PRPF40B: variants seen among roughly 807,000 people sequenced by gnomAD.
The protein encoded by PRPF40B is pre-mRNA processing factor 40B.
In PRPF40B, 56 loss-of-function variants were observed where a neutral mutation model predicts 124.5. That is an observed-to-expected ratio of 0.45 (90% CI 0.36 to 0.56). The LOEUF (loss-of-function observed/expected upper bound fraction) is 0.56. Ranked by LOEUF, PRPF40B falls within the 20% of genes least tolerant of loss-of-function variation. PRPF40B has a pLI of 0.00. For synonymous variants in PRPF40B, 443 were observed against 426.4 expected (o/e 1.04, Z -0.48); for missense variants, 1,053 against 1,169.5 (o/e 0.90, Z 1.45).
chr12:49,636,582 C>G, intron 15 of PRPF40B, 134 bp from the exon 16 acceptor site: 2 of 1,224,100 alleles, frequency 1.6e-6, no homozygotes, highest in Non-Finnish European at 2.3e-6. Flanking sequence ...ACAGAGCCCC[C>G]TCCAGGCCCT....
chr12:49,623,255 C>T (rs547336962), upstream of PRPF40B, among the ~76,000 whole-genome samples: 40 of 151,972 alleles, frequency 2.6e-4, no homozygotes, highest in African/African-American at 7.5e-4. Flanking sequence ...GCGCCGGCGA[C>T]TGCGAAGCCA....
At chr12:49,636,310 GA>G (rs1941797323) in intron 15 of PRPF40B, among the ~76,000 whole-genome samples, 2 of 152,192 alleles carry the variant, frequency 1.3e-5, no homozygotes, top group African/African-American at 4.8e-5. Flanking sequence ...AAGCATCATA[GA>G]ACTACAGGCC....
rs1189530225 is a variant in PRPF40B, at chr12:49,631,627, C to T, written c.228+83C>T. On this transcript the variant is annotated intron_variant, in intron 3 of 25. Coordinates refer to ENST00000548825, the MANE Select transcript of PRPF40B (RefSeq NM_001031698.3). This position sits in a 1 kb window ranked among gnomAD's most constrained non-coding sequence, Gnocchi z 4.3. ...GAGATAAGAGCGGGCATGTAGGCCT[C>T]AGAAACTGGGGAAGGAAGGGAGCTT... 1 of 1,475,122 alleles carries T rather than the reference C, an allele frequency of 6.8e-7. No homozygotes were observed. The highest frequency in any genetic ancestry group is 1.4e-5 in the African/African-American group (1 of 70,808). 91.4% of individuals were successfully genotyped at this position (1,475,122 alleles called of 1,614,324 possible).
chr12:49,636,583 T>C, intron 15 of PRPF40B, 133 bp from the exon 16 acceptor site: 7 of 1,232,370 alleles, frequency 5.7e-6, no homozygotes. Context: ...CAGAGCCCCC[T>C]CCAGGCCCTT....
In PRPF40B at chr12:49,635,862, G is replaced by A. The variant is rs768082682; in HGVS notation, c.1295G>A (p.Arg432Gln). The change falls in exon 15 of 26, where the codon CGG becomes CAG. Residue 432 changes from arginine to glutamine, a missense_variant. Arg to Gln is a conservative substitution (Grantham distance 43, BLOSUM62 1). Coordinates refer to ENST00000548825, the MANE Select transcript of PRPF40B (RefSeq NM_001031698.3). This position sits in a 1 kb window ranked among gnomAD's most constrained non-coding sequence, Gnocchi z 4.1. ...KKEKEQAKQL[R>Q]RRNIQALKSI... is the part of the protein sequence containing the mutation. Reference sequence around the variant, plus strand: ...CCCTAGGAACAGGCCAAGCAGCTCCGGCGCCGCAATATCCAGGCCCTAAAG... The same window carrying A: ...CCCTAGGAACAGGCCAAGCAGCTCCAGCGCCGCAATATCCAGGCCCTAAAG... The A allele has an allele frequency of 1.6e-5, 26 of 1,613,740 alleles. No homozygotes were observed. The highest frequency in any genetic ancestry group is 1.3e-4 in the East Asian group (6 of 44,880).
rs1203961766 is a variant in PRPF40B, at chr12:49,631,486, C to T, written c.170C>T (p.Pro57Leu). ...AGACCACCAGCTATCCCCCCCATGC[C>T]ACCTGGCATCCTGCCCCCAATGCTT... ...SQRPPAIPPMPPGILPPMLPP... is the reference protein window; with the variant it reads ...SQRPPAIPPMLPGILPPMLPP... Residue 57 changes from proline (P) to leucine (L), a missense_variant, in exon 3 of 26, where the codon CCA becomes CTA. Physicochemically the swap from Pro to Leu is moderately conservative, Grantham distance 98. Coordinates refer to ENST00000548825, the MANE Select transcript of PRPF40B (RefSeq NM_001031698.3). This position sits in a 1 kb window ranked among gnomAD's most constrained non-coding sequence, Gnocchi z 4.3. 3 of 1,538,820 alleles carry T rather than the reference C, an allele frequency of 1.9e-6. No individual in the cohort carries two copies. Among genetic ancestry groups the T allele is most frequent in the Non-Finnish European group, 2.6e-6 (3 of 1,148,426 alleles).
Position 49,642,937 on chromosome 12 carries a change from G to T in PRPF40B, c.2126G>T (p.Cys709Phe). ...TTCCTCTGCCTCTAGCAGACTGAAT[G>T]CCAGCACCTCCACACCAAAGGCCGA... is the stretch of plus-strand genomic sequence containing the variant. ...REFLQVLETE[C>F]QHLHTKGRKH... Residue 709 changes from cysteine to phenylalanine, a missense_variant, in exon 22 of 26, where the codon TGC becomes TTC. Physicochemically the swap from Cys to Phe is radical, Grantham distance 205. Coordinates refer to ENST00000548825, the MANE Select transcript of PRPF40B (RefSeq NM_001031698.3). This position sits in a 1 kb window ranked among gnomAD's most constrained non-coding sequence, Gnocchi z 5.8. 2 of 1,613,294 alleles carry T rather than the reference G, an allele frequency of 1.2e-6. No homozygotes were observed. Among genetic ancestry groups the T allele is most frequent in the Non-Finnish European group, 1.7e-6 (2 of 1,179,592 alleles).
Position 49,642,256 on chromosome 12 carries a change from C to T in PRPF40B, c.1906C>T (p.Arg636Trp), listed in dbSNP as rs373588661. 45 of 1,613,990 alleles carry T rather than the reference C, an allele frequency of 2.8e-5. No homozygotes were observed. The Middle Eastern group carries it at 4.9e-4, about 18-fold the overall frequency. The stretch of plus-strand genomic sequence containing the variant: ...TCAGCTGCTGGAGAAAGCAGAGGCA[C>T]GGGAGAGGGAGCGGGAGAAGGAGGA... ...FNSLLEKAEAREREREKEEAR... is the reference protein window; with the variant it reads ...FNSLLEKAEAWEREREKEEAR... The change falls in exon 20 of 26, where the codon CGG (arginine) becomes TGG (tryptophan). Residue 636 changes from arginine to tryptophan, a missense_variant. Arg to Trp is a moderately radical substitution (Grantham distance 101). This residue lies in a region of PRPF40B where 895 missense variants were observed against 1,052.2 expected (regional missense o/e 0.85). Coordinates refer to ENST00000548825, the MANE Select transcript of PRPF40B (RefSeq NM_001031698.3). The surrounding 1 kb of genome is among the most constrained non-coding windows in gnomAD (Gnocchi z 5.8).
intron 23 of PRPF40B, 88 bp downstream of exon 23, chr12:49,643,485 T>A (rs1592626120): frequency 6.8e-7 from 1 of 1,477,070 alleles, no homozygotes; most frequent in Non-Finnish European, 9.1e-7. Flanking sequence ...CCTTTGAGGG[T>A]AGACTGGATT....
In PRPF40B at chr12:49,631,420, C is replaced by A; in HGVS notation, c.104C>A (p.Pro35His). ...PPPFMPPPGI[P>H]PPFPPMGLPP... ...TTCCAGATGCCCCCTCCAGGGATCC[C>A]CCCACCCTTTCCTCCGATGGGGCTA... The change falls in exon 3 of 26, where the codon CCC (proline) becomes CAC (histidine). Residue 35 changes from proline (P) to histidine (H), a missense_variant. Transcript: ENST00000548825. This position sits in a 1 kb window ranked among gnomAD's most constrained non-coding sequence, Gnocchi z 4.3. The A allele has an allele frequency of 6.8e-7, 1 of 1,464,258 alleles. No individual in the cohort carries two copies. Among genetic ancestry groups the A allele is most frequent in the Non-Finnish European group, 9.1e-7 (1 of 1,103,368 alleles). The allele number at this position is 1,464,258 out of a possible 1,614,324, so 90.7% of individuals were successfully genotyped here.
intron 9 of PRPF40B, 65 bp from the exon 10 acceptor site, chr12:49,633,821 G>A: frequency 6.2e-7 from 1 of 1,607,882 alleles, no homozygotes; most frequent in Non-Finnish European, 8.5e-7. Context: ...AGAGAAACCA[G>A]CCAGCCCCTG....
In PRPF40B at chr12:49,631,960, C is replaced by A; in HGVS notation, c.294+35C>A. On this transcript the variant is annotated intron_variant, in intron 4 of 25. Coordinates refer to ENST00000548825, the MANE Select transcript of PRPF40B (RefSeq NM_001031698.3). The surrounding 1 kb of genome is among the most constrained non-coding windows in gnomAD (Gnocchi z 4.3). ...AGGGGCCAGCAGGTAGCAGGCTCTG[C>A]CCTGCAGTCCCGTGAGTCTGACTTG... 6.3e-7 allele frequency: 1 copy of A among 1,589,496 alleles called. No individual in the cohort carries two copies. The highest frequency in any genetic ancestry group is 8.6e-7 in the Non-Finnish European group (1 of 1,157,906).
At chr12:49,643,585 A>C (rs1257500515) in intron 23 of PRPF40B, 106 bp from the exon 24 acceptor site, 2 of 1,402,480 alleles carry the variant, frequency 1.4e-6, no homozygotes, top group Admixed American at 5.2e-5. Context: ...AGACTTCCTC[A>C]GAGCATGAGG....
At chr12:49,633,250 C>T in intron 7 of PRPF40B, 126 bp downstream of exon 7, 1 of 1,254,322 alleles carries the variant, frequency 8.0e-7, no homozygotes, top group South Asian at 1.4e-5. Context: ...GACCATTCCT[C>T]ACCCTCCCTG....
At chr12:49,627,847 G>A (rs1940863249) in intron 1 of PRPF40B, among the ~76,000 whole-genome samples, 1 of 152,188 alleles carries the variant, frequency 6.6e-6, no homozygotes, top group Non-Finnish European at 1.5e-5. Flanking sequence ...GAAATGGAGA[G>A]AAATGGATAG....
At position 49,642,521 on chromosome 12, in the gene PRPF40B, G is replaced by T; in HGVS notation, c.2023-59G>T. 6.3e-7 allele frequency: 1 copy of T among 1,592,572 alleles called. No homozygotes were observed. The highest frequency in any genetic ancestry group is 1.1e-5 in the South Asian group (1 of 90,268). ...CCCAGCCCTGCCCTGTGCTCATGGC[G>T]GTGTCCAGGCCAGGCTGAGTGGGGC... On this transcript the variant is annotated intron_variant, in intron 20 of 25. Transcript: ENST00000548825. This position sits in a 1 kb window ranked among gnomAD's most constrained non-coding sequence, Gnocchi z 5.8.
At chr12:49,634,165 C>T in intron 10 of PRPF40B, 73 bp downstream of exon 10, 1 of 1,579,142 alleles carries the variant, frequency 6.3e-7, no homozygotes, top group Admixed American at 1.8e-5. Flanking sequence ...TTGTCCTCTG[C>T]TGGGCCTCTC....
At position 49,643,026 on chromosome 12, in the gene PRPF40B, C is replaced by T. The variant is rs971148221; in HGVS notation, c.2205+10C>T. ...TTCCCACTCACCCTCAGTGAGTAAG[C>T]GTGTAGAAGGGACATGGGGTGAAGC... is the stretch of plus-strand genomic sequence containing the variant. On this transcript the variant is annotated intron_variant, in intron 22 of 25. Transcript: ENST00000548825. 2 of 1,612,512 alleles carry T rather than the reference C, an allele frequency of 1.2e-6. No individual in the cohort carries two copies. The highest frequency in any genetic ancestry group is 2.2e-5 in the East Asian group (1 of 44,852).
At chr12:49,633,842 T>G (rs755173124) in intron 9 of PRPF40B, 44 bp from the exon 10 acceptor site, 1 of 1,611,508 alleles carries the variant, frequency 6.2e-7, no homozygotes, top group African/African-American at 1.3e-5. Flanking sequence ...AAGTCCTCCA[T>G]TCTTGCTCTC....
Sources: allele counts gnomAD v4.1 joint callset (sites outside exome capture counted in the v4.1 genomes callset), GRCh38; gene constraint gnomAD v4.1.1; regional missense constraint gnomAD v4.1.1; non-coding constraint Gnocchi (gnomAD v3.1); transcripts MANE v1.5; gene names NCBI Gene and HGNC (gene_info 2026-07-23, HGNC 2026-07-21).